The following CFAP95 variants were observed in gnomAD, a reference collection of about 807,000 sequenced individuals.
CFAP95 encodes the protein cilia- and flagella-associated protein 95.
the CFAP95 span, among the ~76,000 whole-genome samples, chr9:69,869,441 G>T: frequency 2.0e-5 from 3 of 152,148 alleles, no homozygotes; most frequent in Non-Finnish European, 4.4e-5. Context: ...TGGTTGTCAG[G>T]ACCTGAGGGG....
chr9:69,843,546 CTCCTCCTCCTCCTTCTTCT>C, the CFAP95 span, among the ~76,000 whole-genome samples: 7 of 29,882 alleles, frequency 2.3e-4, 2 homozygotes, highest in Admixed American at 4.0e-4. Flanking sequence ...CCTCCTCCTC[CTCCTCCTCCTCCTTCTTCT>C]TCTTCTTCTT....
the CFAP95 span, among the ~76,000 whole-genome samples, chr9:69,880,258 A>C: frequency 6.6e-6 from 1 of 151,948 alleles, no homozygotes; most frequent in African/African-American, 2.4e-5. Flanking sequence ...TATTTTTTGT[A>C]CCCATTCACC....
chr9:69,891,370 C>T, the CFAP95 span, among the ~76,000 whole-genome samples: 128,741 of 152,100 alleles, frequency 0.85, 54,585 homozygotes, highest in Middle Eastern at 0.9. Flanking sequence ...CCTGGATGCA[C>T]TATGACTTTC....
At chr9:69,874,636 C>T in the CFAP95 span, among the ~76,000 whole-genome samples, 1 of 152,188 alleles carries the variant, frequency 6.6e-6, no homozygotes, top group Non-Finnish European at 1.5e-5. Flanking sequence ...GCTTTATTCC[C>T]TCCCGCTGAG....
the CFAP95 span, among the ~76,000 whole-genome samples, chr9:69,864,393 G>A: frequency 2.0e-5 from 3 of 152,052 alleles, no homozygotes; most frequent in Admixed American, 6.6e-5. Flanking sequence ...AATAGGATAG[G>A]AAACCTGGGT....
the CFAP95 span, among the ~76,000 whole-genome samples, chr9:69,824,569 T>G: frequency 6.6e-6 from 1 of 152,138 alleles, no homozygotes; most frequent in African/African-American, 2.4e-5. Flanking sequence ...TTTTTTTTTT[T>G]TTTGCATTTC....
the CFAP95 span, among the ~76,000 whole-genome samples, chr9:69,827,649 C>T: frequency 6.6e-6 from 1 of 152,186 alleles, no homozygotes; most frequent in Non-Finnish European, 1.5e-5. Context: ...TTGCTCGCCT[C>T]ATCCTGGTCC....
the CFAP95 span, among the ~76,000 whole-genome samples, chr9:69,900,871 ATT>A: frequency 1.3e-5 from 2 of 149,604 alleles, 1 homozygote; most frequent in Admixed American, 1.3e-4. Context: ...GCTGCTATGT[ATT>A]TTTTTTTTAT....
At chr9:69,856,788 AT>A in the CFAP95 span, 1 of 574,208 alleles carries the variant, frequency 1.7e-6, no homozygotes, top group Non-Finnish European at 3.0e-6. Context: ...TATCAAGCAC[AT>A]TTGTCTCAAG....
chr9:69,877,311 C>G, the CFAP95 span, among the ~76,000 whole-genome samples: 5 of 152,122 alleles, frequency 3.3e-5, no homozygotes, highest in East Asian at 3.9e-4. Flanking sequence ...CTCTTTGGCA[C>G]TTCATAGAGT....
chr9:69,827,314 G>A, the CFAP95 span, among the ~76,000 whole-genome samples: 14 of 152,122 alleles, frequency 9.2e-5, no homozygotes, highest in African/African-American at 2.7e-4. Context: ...ACTCTGTAGC[G>A]GGTAGCAGAA....
chr9:69,863,674 C>T, the CFAP95 span, among the ~76,000 whole-genome samples: 189 of 152,112 alleles, frequency 1.2e-3, 2 homozygotes, highest in East Asian at 0.02. Flanking sequence ...GCTGTGTCTA[C>T]GACCATTAAA....
the CFAP95 span, among the ~76,000 whole-genome samples, chr9:69,861,755 A>AC: frequency 1.4e-5 from 2 of 139,934 alleles, no homozygotes; most frequent in African/African-American, 5.3e-5. Flanking sequence ...AAAAAAAAAC[A>AC]CAACATTTTC....
At chr9:69,844,867 A>C in the CFAP95 span, among the ~76,000 whole-genome samples, 1 of 152,224 alleles carries the variant, frequency 6.6e-6, no homozygotes, top group South Asian at 2.1e-4. Flanking sequence ...CTGGCACATA[A>C]AAGTGCCTAG....
the CFAP95 span, among the ~76,000 whole-genome samples, chr9:69,879,269 A>G: frequency 6.6e-6 from 1 of 152,190 alleles, no homozygotes; most frequent in Non-Finnish European, 1.5e-5. Context: ...TCTCTTACAT[A>G]GGATGTTATT....
At chr9:69,846,642 A>G in the CFAP95 span, among the ~76,000 whole-genome samples, 1 of 152,176 alleles carries the variant, frequency 6.6e-6, no homozygotes, top group East Asian at 1.9e-4. Context: ...TGACTCACCC[A>G]AGGTCCCAAG....
chr9:69,836,975 G>A, the CFAP95 span, among the ~76,000 whole-genome samples: 1 of 148,788 alleles, frequency 6.7e-6, no homozygotes, highest in East Asian at 2.0e-4. Flanking sequence ...GTGAGAATAT[G>A]CGGTGTTTGG....
At chr9:69,862,387 C>T in the CFAP95 span, among the ~76,000 whole-genome samples, 1 of 152,170 alleles carries the variant, frequency 6.6e-6, no homozygotes, top group African/African-American at 2.4e-5. Context: ...AATACATGAA[C>T]ACCTTCAACC....
the CFAP95 span, among the ~76,000 whole-genome samples, chr9:69,868,147 A>G: frequency 6.6e-6 from 1 of 152,192 alleles, no homozygotes; most frequent in Non-Finnish European, 1.5e-5. Flanking sequence ...TGATGAGCTA[A>G]TAAAACAATG....
Sources: gnomAD v4.1 joint callset for allele counts (sites outside exome capture counted in the v4.1 genomes callset) on GRCh38, gnomAD v4.1.1 for gene constraint, MANE v1.5 for transcripts, NCBI Gene and HGNC (gene_info 2026-07-23, HGNC 2026-07-21) for gene names.